The following RAC1 variants were observed in gnomAD, a reference collection of about 807,000 sequenced individuals.
The protein encoded by RAC1 is Rac family small GTPase 1.
RAC1 carries 2 observed loss-of-function variants against 25.2 expected under a neutral mutation model. The ratio of observed to expected loss-of-function variants is 0.08; its 90% CI spans 0.03 to 0.25. The LOEUF (loss-of-function observed/expected upper bound fraction) is 0.25. Among genes scored for constraint, RAC1 ranks in the 10% least tolerant of loss-of-function variants. RAC1 has a pLI of 1.00. For synonymous variants in RAC1, 88 were observed against 94.0 expected (o/e 0.94, Z 0.37); for missense variants, 50 against 235.7 (o/e 0.21, Z 5.16).
chr7:6,401,844 C>A (rs369266734), intron 4 of RAC1, 24 bp from the exon 5 acceptor site: 3 of 1,604,294 alleles, frequency 1.9e-6, no homozygotes, highest in Non-Finnish European at 2.6e-6. Flanking sequence ...CGTGTCACAA[C>A]CTCTGTTCCT....
intron 1 of RAC1, among the ~76,000 whole-genome samples, chr7:6,384,726 CCCTGTGCTGGGATTATAGCCT>C (rs1295049791): frequency 1.3e-5 from 2 of 150,848 alleles, no homozygotes; most frequent in Non-Finnish European, 3.0e-5. Context: ...CACCTCAGGC[CCCTGTGCTGGGATTATAGCCT>C]CCTGTGCTGG....
chr7:6,380,895 G>C (rs1292459387), intron 1 of RAC1, among the ~76,000 whole-genome samples: 3 of 152,186 alleles, frequency 2.0e-5, no homozygotes, highest in African/African-American at 7.2e-5. Context: ...TTGAGGTGGA[G>C]TCTTGCTCTG....
intron 1 of RAC1, among the ~76,000 whole-genome samples, chr7:6,386,138 C>G (rs756885833): frequency 3.9e-5 from 6 of 152,134 alleles, no homozygotes; most frequent in African/African-American, 9.7e-5. Context: ...GGTGGTGCTC[C>G]TTTCTCTGAA....
At chr7:6,390,667 C>G (rs1251745072) in intron 2 of RAC1, among the ~76,000 whole-genome samples, 3 of 151,816 alleles carry the variant, frequency 2.0e-5, no homozygotes, top group Non-Finnish European at 2.9e-5. Context: ...CTTAGAAAGG[C>G]CTTTCCTACT....
intron 2 of RAC1, among the ~76,000 whole-genome samples, chr7:6,388,436 C>G (rs577135687): frequency 2.0e-5 from 3 of 148,756 alleles, no homozygotes; most frequent in African/African-American, 7.4e-5. Flanking sequence ...GCGTCTGCCT[C>G]CTGGGTTCAA....
At chr7:6,381,867 A>G (rs1444254982) in intron 1 of RAC1, among the ~76,000 whole-genome samples, 1 of 152,208 alleles carries the variant, frequency 6.6e-6, no homozygotes, top group Admixed American at 6.5e-5. Flanking sequence ...ACCGTTACAG[A>G]ATCCCCATAC....
In RAC1 at chr7:6,402,997, T is replaced by C. The variant is rs1012478753; in HGVS notation, c.*551T>C. 4 of 192,340 alleles carry C rather than the reference T, an allele frequency of 2.1e-5. No homozygotes were observed. Among genetic ancestry groups the C allele is most frequent in the African/African-American group, 7.0e-5 (3 of 43,040 alleles). The allele number at this position is 192,340 out of a possible 1,614,324, so 11.9% of individuals were successfully genotyped here. A position where few individuals can be genotyped will look rare whatever the true frequency, so the allele number is the denominator to read the frequency against. On this transcript the variant is annotated 3_prime_UTR_variant, in exon 6 of 6. Coordinates refer to ENST00000348035, the MANE Select transcript of RAC1 (RefSeq NM_006908.5). Reference sequence around the variant, plus strand: ...GACATAACATTGTACTGTAATGGAGTGAGCGTAGCAGCTCAGCTCTTTGGA... The same window carrying C: ...GACATAACATTGTACTGTAATGGAGCGAGCGTAGCAGCTCAGCTCTTTGGA...
intron 1 of RAC1, among the ~76,000 whole-genome samples, chr7:6,380,978 C>T (rs1052680792): frequency 1.5e-4 from 23 of 152,174 alleles, no homozygotes; most frequent in African/African-American, 5.6e-4. Context: ...AGGCGATTCT[C>T]CTGCCTCAGC....
chr7:6,398,611 T>C (rs1220941691), intron 3 of RAC1: 1 of 1,497,900 alleles, frequency 6.7e-7, no homozygotes, highest in Non-Finnish European at 9.3e-7. Context: ...TATTGATTTT[T>C]GTTGTCCTCA....
At chr7:6,398,991 T>C (rs536086221) in intron 3 of RAC1, among the ~76,000 whole-genome samples, 1 of 152,274 alleles carries the variant, frequency 6.6e-6, no homozygotes, top group Admixed American at 6.5e-5. Flanking sequence ...TGGTTGGAGA[T>C]GCAGATATGG....
intron 1 of RAC1, among the ~76,000 whole-genome samples, chr7:6,378,118 C>T (rs1222959943): frequency 6.6e-6 from 1 of 152,070 alleles, no homozygotes; most frequent in Non-Finnish European, 1.5e-5. Flanking sequence ...GATGCCTTGC[C>T]ATCTTGTTTG....
chr7:6,400,384 T>C (rs762383102), intron 4 of RAC1, among the ~76,000 whole-genome samples, 196 bp downstream of exon 4: 2 of 151,998 alleles, frequency 1.3e-5, no homozygotes, highest in Non-Finnish European at 2.9e-5. Flanking sequence ...GCTGGAGTTG[T>C]AGTGGTGACA....
intron 3 of RAC1, among the ~76,000 whole-genome samples, chr7:6,399,564 G>T (rs1357262835): frequency 1.3e-5 from 2 of 152,202 alleles, no homozygotes; most frequent in Non-Finnish European, 2.9e-5. Flanking sequence ...TGAGGCCCTG[G>T]CTGTGCTGAC....
chr7:6,383,950 G>T (rs943369557), intron 1 of RAC1, among the ~76,000 whole-genome samples: 1 of 151,360 alleles, frequency 6.6e-6, no homozygotes, highest in East Asian at 1.9e-4. Context: ...TTACAGGCAT[G>T]CACGCCCGGC....
In RAC1 at chr7:6,403,273, A is replaced by G; in HGVS notation, c.*827A>G. ...TTTCTGTCAAATGCAGTAGATGATGAAAGAAAGGTTGGTATTATCAGGAAA... is the reference window on the plus strand; with the variant it reads ...TTTCTGTCAAATGCAGTAGATGATGGAAGAAAGGTTGGTATTATCAGGAAA... On this transcript the variant is annotated 3_prime_UTR_variant, in exon 6 of 6. Transcript: ENST00000348035. 1 of 214,690 alleles carries G rather than the reference A, an allele frequency of 4.7e-6. No homozygotes were observed. The highest frequency in any genetic ancestry group is 9.4e-6 in the Non-Finnish European group (1 of 106,006). The allele number at this position is 214,690 out of a possible 1,614,324, so 13.3% of individuals were successfully genotyped here.
intron 3 of RAC1, chr7:6,398,590 A>G (rs760534608): frequency 4.6e-5 from 61 of 1,316,922 alleles, no homozygotes; most frequent in Admixed American, 1.1e-4. Flanking sequence ...TAAAGAATCG[A>G]TAAGAGGTTA....
intron 3 of RAC1, among the ~76,000 whole-genome samples, chr7:6,393,427 C>T (rs779943431): frequency 4.6e-5 from 7 of 152,114 alleles, no homozygotes; most frequent in South Asian, 2.1e-4. Context: ...GAAACAAGAG[C>T]CACCCTGCTG....
intron 3 of RAC1, chr7:6,399,863 G>T: frequency 2.0e-6 from 1 of 506,308 alleles, no homozygotes; most frequent in Middle Eastern, 5.2e-4. Context: ...GGTCTGGTCT[G>T]ATCCTCCTGA....
intron 1 of RAC1, among the ~76,000 whole-genome samples, chr7:6,384,629 C>T (rs1465256532): frequency 1.3e-5 from 2 of 152,018 alleles, no homozygotes; most frequent in Non-Finnish European, 2.9e-5. Context: ...AGGCAAGAGC[C>T]ACCACTTATT....
Sources: gnomAD v4.1 joint callset for allele counts (sites outside exome capture counted in the v4.1 genomes callset) on GRCh38, gnomAD v4.1.1 for gene constraint, MANE v1.5 for transcripts, NCBI Gene and HGNC (gene_info 2026-07-23, HGNC 2026-07-21) for gene names.